APOBEC3H: variants seen among roughly 807,000 people sequenced by gnomAD.
APOBEC3H encodes DNA dC->dU-editing enzyme APOBEC-3H.
Under a neutral mutation model 21.2 loss-of-function variants are expected in APOBEC3H, and 8 were observed. The observed-to-expected ratio is 0.38, with a 90% CI of 0.22 to 0.68. The LOEUF is 0.68. Ranked by LOEUF, APOBEC3H falls within the 30% of genes least tolerant of loss-of-function variation. The pLI is 0.52. For missense variants in APOBEC3H, 229 were observed against 228.1 expected (o/e 1.00, Z -0.03); for synonymous variants, 88 against 91.0 (o/e 0.97, Z 0.19).
At chr22:39,097,821 T>A (rs2035730674) in intron 1 of APOBEC3H, among the ~76,000 whole-genome samples, 1 of 152,112 alleles carries the variant, frequency 6.6e-6, no homozygotes, top group Admixed American at 6.6e-5. Flanking sequence ...AGGCAAATCA[T>A]CTCTTCCAAG....
chr22:39,100,594 T>C, intron 2 of APOBEC3H, 166 bp downstream of exon 2: 1 of 937,558 alleles, frequency 1.1e-6, no homozygotes, highest in Non-Finnish European at 1.5e-6. Context: ...TAGCTGGATC[T>C]GAGTGGCCCA....
intron 3 of APOBEC3H, among the ~76,000 whole-genome samples, 176 bp from the exon 4 acceptor site, chr22:39,101,742 G>A (rs1929365770): frequency 6.7e-6 from 1 of 150,256 alleles, no homozygotes; most frequent in Non-Finnish European, 1.5e-5. Context: ...GGGAGGCCAG[G>A]AAGGAAGGAT....
Position 39,101,383 on chromosome 22 carries a change from C to T in APOBEC3H, c.297C>T (p.His99=), listed in dbSNP as rs766306762. 23 of 1,612,506 alleles carry T rather than the reference C, an allele frequency of 1.4e-5. No homozygotes were observed. Among genetic ancestry groups the T allele is most frequent in the Admixed American group, 8.4e-5 (5 of 59,764 alleles). ...AGCTGGTTGACTTCATCAAGGCTCA[C>T]GACCATCTGAACCTGGGCATCTTCG... ...AWELVDFIKA[H]DHLNLGIFAS... Residue 99 remains histidine (H), a synonymous_variant, in exon 3 of 5, where the codon CAC becomes CAT. Transcript: ENST00000442487.
intron 4 of APOBEC3H, chr22:39,102,428 GTGTGAGCCACCGTGCCCCGC>G: frequency 1.4e-6 from 1 of 712,880 alleles, no homozygotes; most frequent in South Asian, 1.5e-5. Flanking sequence ...GGGATTACAG[GTGTGAGCCACCGTGCCCCGC>G]CCCACTACCT....
chr22:39,098,959 C>T (rs1045947175), intron 1 of APOBEC3H, among the ~76,000 whole-genome samples: 5 of 152,020 alleles, frequency 3.3e-5, no homozygotes, highest in Non-Finnish European at 7.4e-5. Flanking sequence ...TTTGGGAGGC[C>T]GAGGTGGGTG....
Position 39,102,039 on chromosome 22 carries a change from A to G in APOBEC3H, c.540A>G (p.Ile180Met). ...SRAIKRRLER[I>M]KQS ...CCATAAAGCGACGGCTTGAGAGGATAAAGGTGAGGCACTGTCCTGCCTGCT... is the reference window on the plus strand; with the variant it reads ...CCATAAAGCGACGGCTTGAGAGGATGAAGGTGAGGCACTGTCCTGCCTGCT... Residue 180 changes from isoleucine (I) to methionine (M), a missense_variant, in exon 4 of 5, where the codon ATA (isoleucine) becomes ATG (methionine). Physicochemically the swap from Ile to Met is conservative, Grantham distance 10. Coordinates refer to ENST00000442487, the MANE Select transcript of APOBEC3H (RefSeq NM_181773.5). 6 of 1,613,564 alleles carry G rather than the reference A, an allele frequency of 3.7e-6. No homozygotes were observed. Among genetic ancestry groups the G allele is most frequent in the Non-Finnish European group, 5.1e-6 (6 of 1,179,706 alleles).
intron 1 of APOBEC3H, among the ~76,000 whole-genome samples, chr22:39,098,418 A>G (rs1929122392): frequency 6.6e-6 from 1 of 152,084 alleles, no homozygotes; most frequent in South Asian, 2.1e-4. Context: ...GAGGATCATC[A>G]CTAAAGGCCA....
intron 1 of APOBEC3H, among the ~76,000 whole-genome samples, chr22:39,098,319 C>G (rs1339499899): frequency 6.6e-6 from 1 of 152,100 alleles, no homozygotes; most frequent in Non-Finnish European, 1.5e-5. Flanking sequence ...TCACTACAAG[C>G]TCCACCTCCT....
At chr22:39,100,883 C>G (rs951959079) in intron 2 of APOBEC3H, among the ~76,000 whole-genome samples, 36 of 152,120 alleles carry the variant, frequency 2.4e-4, no homozygotes, top group African/African-American at 8.4e-4. Flanking sequence ...CCGGGTTGGA[C>G]ACAGCCTCCT....
chr22:39,101,450 G>A lies in APOBEC3H; in HGVS notation c.364G>A (p.Gly122Arg), dbSNP rs775745378. ...YYHWCKPQQK[G>R]LRLLCGSQVP... ...CCACTGGTGCAAGCCCCAGCAGAAGGGGCTGCGGCTTCTGTGTGGATCCCA... is the reference window on the plus strand; with the variant it reads ...CCACTGGTGCAAGCCCCAGCAGAAGAGGCTGCGGCTTCTGTGTGGATCCCA... The change falls in exon 3 of 5, where the codon GGG becomes AGG. Residue 122 changes from glycine to arginine, a missense_variant. Transcript: ENST00000442487. 3 of 1,611,464 alleles carry A rather than the reference G, an allele frequency of 1.9e-6. No homozygotes were observed. Among genetic ancestry groups the A allele is most frequent in the Middle Eastern group, 1.7e-4 (1 of 5,760 alleles).
At chr22:39,102,185 G>C (rs1389860325) in intron 4 of APOBEC3H, 143 bp downstream of exon 4, 4 of 1,281,590 alleles carry the variant, frequency 3.1e-6, no homozygotes, top group South Asian at 3.2e-5. Flanking sequence ...GTCTCACTCT[G>C]TCACCCAGGC....
In APOBEC3H at chr22:39,100,441, C is replaced by A; in HGVS notation, c.150+13C>A. The A allele has an allele frequency of 6.2e-7, 1 of 1,611,612 alleles. No individual in the cohort carries two copies. Among genetic ancestry groups the A allele is most frequent in the Non-Finnish European group, 8.5e-7 (1 of 1,178,472 alleles). ...CTTTGAAAACAAGGTGCCACACGGG[C>A]TCTCTGGGCACAGGGCCGGCAGGGG... On this transcript the variant is annotated intron_variant, in intron 2 of 4. Coordinates refer to ENST00000442487, the MANE Select transcript of APOBEC3H (RefSeq NM_181773.5).
chr22:39,101,357 G>C lies in APOBEC3H; in HGVS notation c.271G>C (p.Glu91Gln). 6.2e-7 allele frequency: 1 copy of C among 1,612,924 alleles called. No homozygotes were observed. The highest frequency in any genetic ancestry group is 1.1e-5 in the South Asian group (1 of 91,012). ...TWSPCSSCAW[E>Q]LVDFIKAHDH... is the part of the protein sequence containing the mutation. ...GAGCCCCTGCTCCTCCTGTGCCTGG[G>C]AGCTGGTTGACTTCATCAAGGCTCA... Residue 91 changes from glutamate (E) to glutamine (Q), a missense_variant, in exon 3 of 5, where the codon GAG becomes CAG. By Grantham distance (29) the Glu-to-Gln change is conservative. Transcript: ENST00000442487.
At chr22:39,099,535 G>C (rs143542268) in intron 1 of APOBEC3H, among the ~76,000 whole-genome samples, 3 of 152,178 alleles carry the variant, frequency 2.0e-5, no homozygotes, top group Non-Finnish European at 4.4e-5. Flanking sequence ...CTGGAAAGAG[G>C]GATCTGGGAC....
intron 1 of APOBEC3H, among the ~76,000 whole-genome samples, chr22:39,099,110 GCTTGAACCCGGGAGAATCA>G (rs1929158646): frequency 6.6e-6 from 1 of 151,960 alleles, no homozygotes; most frequent in Non-Finnish European, 1.5e-5. Flanking sequence ...CAGGAGAATT[GCTTGAACCCGGGAGAATCA>G]CTTGAACCTG....
In APOBEC3H at chr22:39,100,276, ACGATGG is replaced by A; in HGVS notation, c.-1_5del. 6.2e-7 allele frequency: 1 copy of A among 1,611,152 alleles called. No homozygotes were observed. Among genetic ancestry groups the A allele is most frequent in the Middle Eastern group, 1.7e-4 (1 of 6,044 alleles). ...TTTCCCCTTTCTGTTGCACAGAAACACGATGGCTCTGTTAACAGCCGAAACATTCCG... is the reference window on the plus strand; with the variant it reads ...TTTCCCCTTTCTGTTGCACAGAAACACTCTGTTAACAGCCGAAACATTCCG... On this transcript the variant is annotated start_lost and 5_prime_UTR_variant, in exon 2 of 5. Coordinates refer to ENST00000442487, the MANE Select transcript of APOBEC3H (RefSeq NM_181773.5).
chr22:39,101,857 G>T, intron 3 of APOBEC3H, 61 bp from the exon 4 acceptor site: 1 of 1,612,186 alleles, frequency 6.2e-7, no homozygotes, highest in Non-Finnish European at 8.5e-7. Flanking sequence ...AAGGAAGCAA[G>T]AGCTCCTGGC....
Position 39,101,925 on chromosome 22 carries a change from T to C in APOBEC3H, c.426T>C (p.Ala142=), listed in dbSNP as rs1481715938. The change falls in exon 4 of 5, where the codon GCT becomes GCC. Residue 142 remains alanine (A), a synonymous_variant. Coordinates refer to ENST00000442487, the MANE Select transcript of APOBEC3H (RefSeq NM_181773.5). ...TTCCCTCTTCCCTCTCAGAGTTTGCTGACTGCTGGGAAAACTTTGTGGACC... is the reference window on the plus strand; with the variant it reads ...TTCCCTCTTCCCTCTCAGAGTTTGCCGACTGCTGGGAAAACTTTGTGGACC... ...PVEVMGFPEF[A]DCWENFVDHE... The C allele has an allele frequency of 9.3e-6, 15 of 1,613,802 alleles. No homozygotes were observed. Among genetic ancestry groups the C allele is most frequent in the Non-Finnish European group, 1.1e-5 (13 of 1,179,936 alleles).
intron 3 of APOBEC3H, 139 bp downstream of exon 3, chr22:39,101,643 GGGCGGGTT>G: frequency 5.0e-5 from 5 of 99,294 alleles, no homozygotes; most frequent in Admixed American, 3.5e-4. Flanking sequence ...CGGGGGGTGG[GGGCGGGTT>G]GGAGGAGGTT....
Sources: gnomAD v4.1 joint callset for allele counts (sites outside exome capture counted in the v4.1 genomes callset) on GRCh38, gnomAD v4.1.1 for gene constraint, MANE v1.5 for transcripts, NCBI Gene and HGNC (gene_info 2026-07-23, HGNC 2026-07-21) for gene names.